Variants in KLRG1 observed in about 807,000 individuals in gnomAD.
KLRG1 encodes killer cell lectin like receptor G1.
Under a neutral mutation model 21.8 loss-of-function variants are expected in KLRG1, and 16 were observed. The observed-to-expected ratio is 0.73, with a 90% confidence interval of 0.50 to 1.11. KLRG1 has a LOEUF of 1.11. Ranked by LOEUF, KLRG1 falls within the 50% of genes most tolerant of loss-of-function variation. The pLI is 0.00. For missense variants in KLRG1, 173 were observed against 218.3 expected (o/e 0.79, Z 1.31); for synonymous variants, 69 against 75.9 (o/e 0.91, Z 0.47).
At chr12:9,099,337 T>G in the KLRG1 span, 1 of 1,519,986 alleles carries the variant, frequency 6.6e-7, no homozygotes, top group Non-Finnish European at 8.9e-7. Context: ...CAATAGTAAC[T>G]TCTAGTTTTA....
chr12:9,056,564 G>GTGT, the KLRG1 span, among the ~76,000 whole-genome samples: 579 of 96,150 alleles, frequency 6.0e-3, 6 homozygotes, highest in African/African-American at 0.019. Context: ...TTACTTGGGG[G>GTGT]GTGTGTGTGT....
At chr12:9,032,230 A>G in the KLRG1 span, among the ~76,000 whole-genome samples, 2 of 152,162 alleles carry the variant, frequency 1.3e-5, no homozygotes, top group Non-Finnish European at 2.9e-5. Flanking sequence ...TTTGGCTAAA[A>G]TCTAAAGCTG....
intron 1 of KLRG1, among the ~76,000 whole-genome samples, chr12:8,966,347 TTAAAC>T (rs1946471767): frequency 6.6e-6 from 1 of 152,050 alleles, no homozygotes; most frequent in East Asian, 1.9e-4. Context: ...TGGGATCTAA[TTAAAC>T]TAAAGAGCTT....
intron 1 of KLRG1, among the ~76,000 whole-genome samples, chr12:8,957,368 G>A (rs1400413357): frequency 1.3e-5 from 2 of 152,090 alleles, no homozygotes; most frequent in African/African-American, 2.4e-5. Context: ...AGCACTTACC[G>A]TGGCCCATGG....
chr12:9,060,505 G>A, the KLRG1 span, among the ~76,000 whole-genome samples: 13 of 152,180 alleles, frequency 8.5e-5, no homozygotes, highest in African/African-American at 2.2e-4. Flanking sequence ...GGTGGTGGGC[G>A]CCTATAGTTC....
chr12:9,173,861 A>G, the KLRG1 span, among the ~76,000 whole-genome samples: 3 of 152,214 alleles, frequency 2.0e-5, no homozygotes, highest in East Asian at 3.8e-4. Context: ...AAAAAAGCCC[A>G]GGACCAGATG....
At chr12:9,093,093 C>A in the KLRG1 span, among the ~76,000 whole-genome samples, 1 of 152,048 alleles carries the variant, frequency 6.6e-6, no homozygotes, top group African/African-American at 2.4e-5. Context: ...GTTGGGGTTG[C>A]AGGGATGGGA....
chr12:9,090,925 C>A, the KLRG1 span, among the ~76,000 whole-genome samples: 1 of 152,134 alleles, frequency 6.6e-6, no homozygotes, highest in East Asian at 1.9e-4. Flanking sequence ...GAGGTTGAAA[C>A]CTTGTAGAAT....
the KLRG1 span, chr12:9,104,375 A>G: frequency 6.3e-7 from 1 of 1,596,742 alleles, no homozygotes; most frequent in Non-Finnish European, 8.5e-7. Flanking sequence ...TGGTATAGGG[A>G]CGCCTTTCCC....
the KLRG1 span, among the ~76,000 whole-genome samples, chr12:9,109,676 A>G: frequency 6.6e-6 from 1 of 152,204 alleles, no homozygotes; most frequent in Non-Finnish European, 1.5e-5. Context: ...TTGCTACAGA[A>G]AATAACGAAG....
At chr12:9,022,148 C>T in the KLRG1 span, among the ~76,000 whole-genome samples, 2 of 151,998 alleles carry the variant, frequency 1.3e-5, no homozygotes, top group African/African-American at 4.8e-5. Context: ...TCTAAAAAAC[C>T]AAAAGTATAC....
At chr12:9,110,248 G>T in the KLRG1 span, 1 of 1,314,486 alleles carries the variant, frequency 7.6e-7, no homozygotes, top group Non-Finnish European at 1.0e-6. Context: ...AAAAACCTCT[G>T]AAATAAGAAC....
At chr12:8,959,534 G>T (rs896580812) in intron 1 of KLRG1, among the ~76,000 whole-genome samples, 9 of 152,126 alleles carry the variant, frequency 5.9e-5, no homozygotes, top group African/African-American at 1.7e-4. Flanking sequence ...GAACTCTTGG[G>T]GGGATGAGTT....
the KLRG1 span, among the ~76,000 whole-genome samples, chr12:9,159,587 T>C: frequency 3.3e-5 from 5 of 151,904 alleles, no homozygotes; most frequent in Non-Finnish European, 5.9e-5. Context: ...GACTGGTGGC[T>C]TCATAAGAAG....
chr12:9,053,767 A>G, the KLRG1 span, among the ~76,000 whole-genome samples: 2 of 152,184 alleles, frequency 1.3e-5, no homozygotes, highest in African/African-American at 2.4e-5. Context: ...TGCTCTACAG[A>G]TAACAACTTG....
chr12:8,995,429 C>A, intron 3 of KLRG1, 141 bp downstream of exon 3: 1 of 703,294 alleles, frequency 1.4e-6, no homozygotes, highest in Admixed American at 3.0e-5. Flanking sequence ...TATTCTTCCC[C>A]TTCCCTCTTC....
the KLRG1 span, among the ~76,000 whole-genome samples, chr12:9,048,206 T>A: frequency 6.6e-6 from 1 of 152,080 alleles, no homozygotes; most frequent in Non-Finnish European, 1.5e-5. Flanking sequence ...TAGAAGTCAA[T>A]AACAGAAAGA....
At chr12:9,104,618 T>G in the KLRG1 span, among the ~76,000 whole-genome samples, 59 of 152,116 alleles carry the variant, frequency 3.9e-4, no homozygotes, top group Admixed American at 9.8e-4. Flanking sequence ...ATACACTAAT[T>G]TAGTAGTAAT....
chr12:8,950,952 C>T (rs1265267909), intron 1 of KLRG1, among the ~76,000 whole-genome samples: 1 of 151,812 alleles, frequency 6.6e-6, no homozygotes, highest in Non-Finnish European at 1.5e-5. Context: ...CGACTGTATG[C>T]CATTCTGCAT....
Sources: gnomAD v4.1 joint callset for allele counts (sites outside exome capture counted in the v4.1 genomes callset) on GRCh38, gnomAD v4.1.1 for gene constraint, MANE v1.5 for transcripts, NCBI Gene and HGNC (gene_info 2026-07-23, HGNC 2026-07-21) for gene names.